The following PRR16 variants were observed in gnomAD, a reference collection of about 807,000 sequenced individuals.
PRR16 encodes the protein protein Largen.
Under a neutral mutation model 18.2 loss-of-function variants are expected in PRR16, and 6 were observed. That is an observed-to-expected ratio of 0.33 (90% CI 0.18 to 0.65). The LOEUF (loss-of-function observed/expected upper bound fraction) is 0.65, where lower values mean the gene tolerates loss of function less well. PRR16 is among the 30% of genes least tolerant of loss of function. The pLI is 0.74. For missense variants in PRR16, 412 were observed against 376.6 expected, an observed-to-expected ratio of 1.09 and a Z score of -0.78; for synonymous variants, 151 against 147.8, an observed-to-expected ratio of 1.02 and a Z score of -0.16.
chr5:120,785,470 C>A, the PRR16 span, among the ~76,000 whole-genome samples: 2,348 of 151,722 alleles, frequency 0.015, 47 homozygotes, highest in Admixed American at 0.056. Context: ...TTAAATGTTT[C>A]CTAAGGCAAA....
intron 1 of PRR16, among the ~76,000 whole-genome samples, chr5:120,566,172 C>G (rs1433127724): frequency 6.6e-6 from 1 of 152,162 alleles, no homozygotes; most frequent in African/African-American, 2.4e-5. Flanking sequence ...GAGCCCAGCC[C>G]CATTTTTTCT....
intron 1 of PRR16, among the ~76,000 whole-genome samples, chr5:120,522,170 C>A (rs1043536835): frequency 1.3e-5 from 2 of 152,138 alleles, no homozygotes; most frequent in African/African-American, 4.8e-5. Flanking sequence ...GATTTATAAT[C>A]CTTTGGGTAT....
chr5:120,569,315 T>C (rs1265818758), intron 1 of PRR16, among the ~76,000 whole-genome samples: 22 of 152,148 alleles, frequency 1.4e-4, no homozygotes, highest in Admixed American at 1.4e-3. Context: ...AGAATACAGT[T>C]TGATGCTCTG....
At chr5:120,618,468 A>G in intron 1 of PRR16, 1 of 969,730 alleles carries the variant, frequency 1.0e-6, no homozygotes, top group Non-Finnish European at 1.2e-6. Context: ...TCATGAATCA[A>G]GTCTTCATTT....
the PRR16 span, among the ~76,000 whole-genome samples, chr5:120,701,149 G>A: frequency 3.9e-4 from 59 of 152,298 alleles, no homozygotes; most frequent in African/African-American, 1.3e-3. Context: ...GCTGGGGTTT[G>A]TCTCACAGTG....
chr5:120,758,288 A>C, the PRR16 span, among the ~76,000 whole-genome samples: 1 of 152,120 alleles, frequency 6.6e-6, no homozygotes, highest in Non-Finnish European at 1.5e-5. Flanking sequence ...GAAAGTAATA[A>C]TAGCAAATAC....
At chr5:120,785,590 T>TTTTTTTTTTTTTTTTTTAAA in the PRR16 span, among the ~76,000 whole-genome samples, 1 of 144,476 alleles carries the variant, frequency 6.9e-6, no homozygotes, top group African/African-American at 2.5e-5. Context: ...TTTTTTTTTT[T>TTTTTTTTTTTTTTTTTTAAA]GAGACAGAGT....
chr5:120,465,503 C>CT (rs1749047335), intron 1 of PRR16: 2 of 152,546 alleles, frequency 1.3e-5, no homozygotes, highest in South Asian at 4.1e-4. Flanking sequence ...CCGCCCGCCC[C>CT]TAGCCCCAGG....
intron 1 of PRR16, among the ~76,000 whole-genome samples, chr5:120,667,353 T>G (rs1756424979): frequency 6.6e-6 from 1 of 152,068 alleles, no homozygotes; most frequent in South Asian, 2.1e-4. Context: ...CTTTTTTTCT[T>G]TATTAGTCTT....
the PRR16 span, among the ~76,000 whole-genome samples, chr5:120,763,830 G>C: frequency 6.6e-6 from 1 of 151,834 alleles, no homozygotes. Flanking sequence ...ATTATAAATA[G>C]AATTGGGTTC....
At chr5:120,600,435 A>G (rs1364064119) in intron 1 of PRR16, among the ~76,000 whole-genome samples, 2 of 151,880 alleles carry the variant, frequency 1.3e-5, no homozygotes, top group South Asian at 2.1e-4. Flanking sequence ...GATTATTTCA[A>G]TAGTTCAGAA....
chr5:120,581,386 T>C (rs1041463071), intron 1 of PRR16, among the ~76,000 whole-genome samples: 6 of 152,200 alleles, frequency 3.9e-5, no homozygotes, highest in African/African-American at 1.4e-4. Flanking sequence ...CATTTTGTAT[T>C]GTGCCTATCT....
intron 1 of PRR16, chr5:120,617,277 T>C (rs1414047085): frequency 5.0e-6 from 3 of 604,946 alleles, no homozygotes; most frequent in Non-Finnish European, 4.1e-6. Flanking sequence ...CAATATATCA[T>C]TTGTAATTCA....
At chr5:120,593,457 A>G (rs1488216695) in intron 1 of PRR16, among the ~76,000 whole-genome samples, 1 of 151,920 alleles carries the variant, frequency 6.6e-6, no homozygotes, top group Non-Finnish European at 1.5e-5. Context: ...CCAGGAGGAA[A>G]TTGCTTCCCT....
chr5:120,665,570 C>G (rs1756342930), intron 1 of PRR16, among the ~76,000 whole-genome samples: 1 of 152,118 alleles, frequency 6.6e-6, no homozygotes, highest in Admixed American at 6.5e-5. Context: ...AGGTTTTCTT[C>G]TAGGGTTTTT....
At chr5:120,785,979 A>T in the PRR16 span, among the ~76,000 whole-genome samples, 3 of 150,150 alleles carry the variant, frequency 2.0e-5, no homozygotes, top group Non-Finnish European at 4.4e-5. Context: ...TCATTCTTTA[A>T]AAAAAAAAGA....
At chr5:120,589,809 C>T (rs993417626) in intron 1 of PRR16, among the ~76,000 whole-genome samples, 6 of 152,102 alleles carry the variant, frequency 3.9e-5, no homozygotes, top group Non-Finnish European at 8.8e-5. Flanking sequence ...TATGGGAATA[C>T]AATTCAAGAT....
intron 1 of PRR16, among the ~76,000 whole-genome samples, chr5:120,661,916 G>A (rs2150138903): frequency 2.0e-5 from 3 of 152,154 alleles, no homozygotes; most frequent in Admixed American, 2.0e-4. Context: ...CCTAAGAAAT[G>A]GTTCAACAAT....
chr5:120,616,071 T>C (rs1754500700), intron 1 of PRR16, among the ~76,000 whole-genome samples: 1 of 152,168 alleles, frequency 6.6e-6, no homozygotes, highest in Non-Finnish European at 1.5e-5. Context: ...AACTGACTCT[T>C]TTGAGCTCCT....
Sources: gnomAD v4.1 joint callset for allele counts (sites outside exome capture counted in the v4.1 genomes callset) on GRCh38, gnomAD v4.1.1 for gene constraint, MANE v1.5 for transcripts, NCBI Gene and HGNC (gene_info 2026-07-23, HGNC 2026-07-21) for gene names.